The following PFDN2 variants were observed in gnomAD, a reference collection of about 807,000 sequenced individuals.
PFDN2 encodes the protein prefoldin subunit 2, also known as prefoldin 2.
PFDN2 carries 7 observed loss-of-function variants against 18.3 expected under a neutral mutation model. The ratio of observed to expected loss-of-function variants is 0.38; its 90% CI spans 0.22 to 0.72. The LOEUF (loss-of-function observed/expected upper bound fraction) is 0.72, where lower values mean the gene tolerates loss of function less well. Among genes scored for constraint, PFDN2 ranks in the 30% least tolerant of loss-of-function variants. The pLI, the probability that PFDN2 is intolerant of heterozygous loss-of-function variation, is 0.47. For synonymous variants in PFDN2, 76 were observed against 75.0 expected (o/e 1.01, Z -0.07); for missense variants, 181 against 199.1 (o/e 0.91, Z 0.55).
rs950067642 is a variant in PFDN2, at chr1:161,117,968, G to A, written c.59C>T (p.Ala20Val). ...ACTCCTCACCTGCTCTGCGGACACC[G>A]CCCCCTTCCCCGCGCCGCTCCCGCT... The part of the protein sequence containing the change: ...KSSGSGAGKG[A>V]VSAEQVIAGF... The change falls in exon 1 of 4, where the codon GCG (alanine) becomes GTG (valine). Residue 20 changes from alanine (A) to valine (V), a missense_variant. Physicochemically the swap from Ala to Val is moderately conservative, Grantham distance 64. Coordinates refer to ENST00000368010, the MANE Select transcript of PFDN2 (RefSeq NM_012394.4). The A allele has an allele frequency of 1.9e-6, 3 of 1,612,272 alleles. No homozygotes were observed. Among genetic ancestry groups the A allele is most frequent in the East Asian group, 2.2e-5 (1 of 44,844 alleles).
At chr1:161,112,962 G>A (rs1654838783) in intron 1 of PFDN2, among the ~76,000 whole-genome samples, 1 of 151,548 alleles carries the variant, frequency 6.6e-6, no homozygotes, top group Non-Finnish European at 1.5e-5. Context: ...ACAAAGGAGG[G>A]GGGAAAAAAT....
intron 1 of PFDN2, among the ~76,000 whole-genome samples, chr1:161,107,127 A>T (rs765041304): frequency 2.8e-4 from 43 of 152,202 alleles, no homozygotes; most frequent in Non-Finnish European, 4.0e-4. Context: ...ATATATTTTT[A>T]AAAACTGCTT....
In PFDN2 at chr1:161,100,656, T is replaced by C; in HGVS notation, c.*27A>G. ...GAGAAATTAGAAGTGGGAGTCAGGG[T>C]AGAAAAAAATGCAAAGGCCTTGGTC... On this transcript the variant is annotated 3_prime_UTR_variant, in exon 4 of 4. Coordinates refer to ENST00000368010, the MANE Select transcript of PFDN2 (RefSeq NM_012394.4). 6.8e-7 allele frequency: 1 copy of C among 1,464,466 alleles called. No homozygotes were observed. The highest frequency in any genetic ancestry group is 9.2e-7 in the Non-Finnish European group (1 of 1,085,250). 90.7% of individuals were successfully genotyped at this position (1,464,466 alleles called of 1,614,324 possible).
At chr1:161,106,217 T>C (rs2101701605) in intron 1 of PFDN2, among the ~76,000 whole-genome samples, 1 of 152,286 alleles carries the variant, frequency 6.6e-6, no homozygotes, top group African/African-American at 2.4e-5. Flanking sequence ...ATTGGAAGCT[T>C]CCTGAGGCCA....
chr1:161,103,219 A>C (rs1297535138), intron 1 of PFDN2, among the ~76,000 whole-genome samples: 1 of 152,152 alleles, frequency 6.6e-6, no homozygotes. Flanking sequence ...AAATGGGTAT[A>C]GAAGACAGCT....
At chr1:161,102,861 G>T (rs1654595945) in intron 1 of PFDN2, among the ~76,000 whole-genome samples, 1 of 151,990 alleles carries the variant, frequency 6.6e-6, no homozygotes, top group Non-Finnish European at 1.5e-5. Flanking sequence ...GGGAGGCTGA[G>T]GCAGGAGAAT....
chr1:161,117,187 T>A (rs1337888232), intron 1 of PFDN2, among the ~76,000 whole-genome samples: 1 of 152,002 alleles, frequency 6.6e-6, no homozygotes, highest in Non-Finnish European at 1.5e-5. Context: ...TAAGGCGAGA[T>A]CGCGCCACTG....
At position 161,100,788 on chromosome 1, in the gene PFDN2, T is replaced by C. The variant is rs1654538729; in HGVS notation, c.360A>G (p.Glu120=). The C allele has an allele frequency of 1.2e-6, 2 of 1,613,982 alleles. No individual in the cohort carries two copies. Among genetic ancestry groups the C allele is most frequent in the African/African-American group, 2.7e-5 (2 of 74,926 alleles). ...CTCCCATGAGACGAATGTTGTGCTT[T>C]TCCCGGAATTCATTTAGTTCTTTTC... is the stretch of plus-strand genomic sequence containing the variant. ...AKGKELNEFR[E]KHNIRLMGED... Residue 120 remains glutamate, a synonymous_variant, in exon 4 of 4, where the codon GAA becomes GAG. Coordinates refer to ENST00000368010, the MANE Select transcript of PFDN2 (RefSeq NM_012394.4).
intron 3 of PFDN2, among the ~76,000 whole-genome samples, chr1:161,101,290 C>T (rs1654552999): frequency 1.3e-5 from 2 of 151,022 alleles, no homozygotes; most frequent in East Asian, 3.9e-4. Context: ...AGCTCCGCCT[C>T]GCAGGTTCAC....
At chr1:161,102,255 T>C in intron 2 of PFDN2, 32 bp downstream of exon 2, 5 of 1,611,212 alleles carry the variant, frequency 3.1e-6, no homozygotes, top group African/African-American at 1.3e-5. Context: ...CACACAACTG[T>C]CCTACTGTTT....
intron 3 of PFDN2, 105 bp from the exon 4 acceptor site, chr1:161,100,964 T>C: frequency 1.3e-6 from 1 of 780,808 alleles, no homozygotes; most frequent in Non-Finnish European, 2.1e-6. Context: ...ACCTTACCTT[T>C]AACCAAGTAG....
chr1:161,101,925 G>A (rs567916034), intron 3 of PFDN2, 123 bp downstream of exon 3: 2 of 904,726 alleles, frequency 2.2e-6, no homozygotes, highest in East Asian at 2.6e-5. Flanking sequence ...TAGTGATATG[G>A]TTTCACCATG....
chr1:161,110,448 T>G (rs964252417), intron 1 of PFDN2, among the ~76,000 whole-genome samples: 7 of 152,230 alleles, frequency 4.6e-5, no homozygotes, highest in Admixed American at 4.6e-4. Flanking sequence ...TCTGTTAATA[T>G]ATTATTCCTG....
intron 3 of PFDN2, 63 bp downstream of exon 3, chr1:161,101,985 G>A (rs1654573806): frequency 3.2e-6 from 5 of 1,582,044 alleles, no homozygotes; most frequent in Non-Finnish European, 4.3e-6. Flanking sequence ...CACCTGCCTT[G>A]GCCTCCCAAA....
intron 1 of PFDN2, among the ~76,000 whole-genome samples, chr1:161,107,351 G>C (rs889122983): frequency 6.7e-6 from 1 of 149,720 alleles, no homozygotes; most frequent in Non-Finnish European, 1.5e-5. Flanking sequence ...CTTGAACCCA[G>C]GAGGCGGAGG....
At chr1:161,102,993 T>A (rs1028217338) in intron 1 of PFDN2, among the ~76,000 whole-genome samples, 1 of 151,124 alleles carries the variant, frequency 6.6e-6, no homozygotes, top group African/African-American at 2.4e-5. Flanking sequence ...GGAGAGCTAC[T>A]GGAGTACCTA....
At chr1:161,111,623 T>G (rs1180049957) in intron 1 of PFDN2, among the ~76,000 whole-genome samples, 9 of 152,322 alleles carry the variant, frequency 5.9e-5, no homozygotes. Flanking sequence ...GAGAACTAAC[T>G]GAGATAATAG....
At chr1:161,114,264 C>T (rs1447881006) in intron 1 of PFDN2, among the ~76,000 whole-genome samples, 2 of 152,160 alleles carry the variant, frequency 1.3e-5, no homozygotes, top group African/African-American at 4.8e-5. Flanking sequence ...CTTACATTTC[C>T]CCCAAAATTG....
At position 161,102,133 on chromosome 1, in the gene PFDN2, C is replaced by T. The variant is rs150125399; in HGVS notation, c.203G>A (p.Arg68His). Residue 68 changes from arginine (R) to histidine (H), a missense_variant, in exon 3 of 4, where the codon CGT (arginine) becomes CAT (histidine). Coordinates refer to ENST00000368010, the MANE Select transcript of PFDN2 (RefSeq NM_012394.4). ...TCCTCCAACCATGCGGTAGCACTTA[C>T]GAGTTTCATCTACCTCCTTCAGTGT... Reference protein sequence around the residue: ...IDTLKEVDETRKCYRMVGGVL... With the variant: ...IDTLKEVDETHKCYRMVGGVL... 3.7e-6 allele frequency: 6 copies of T among 1,614,080 alleles called. No individual in the cohort carries two copies. The highest frequency in any genetic ancestry group is 2.7e-5 in the African/African-American group (2 of 74,936).
Sources: allele counts gnomAD v4.1 joint callset (sites outside exome capture counted in the v4.1 genomes callset), GRCh38; gene constraint gnomAD v4.1.1; transcripts MANE v1.5; gene names NCBI Gene and HGNC (gene_info 2026-07-23, HGNC 2026-07-21).